The following LCOR variants were observed in gnomAD, a reference collection of about 807,000 sequenced individuals.
LCOR encodes ligand dependent nuclear receptor corepressor.
Under a neutral mutation model 64.4 loss-of-function variants are expected in LCOR, and 14 were observed. The ratio of observed to expected loss-of-function variants is 0.22; its 90% CI spans 0.14 to 0.34. LCOR has a LOEUF of 0.34. Among genes scored for constraint, LCOR ranks in the 10% least tolerant of loss-of-function variants. The probability of loss-of-function intolerance (pLI) is 1.00; values close to 1 mark genes in which losing one functional copy is unlikely to be tolerated. For missense variants in LCOR, 1,686 were observed against 1,765.3 expected (o/e 0.96, Z 0.80); for synonymous variants, 643 against 642.5 (o/e 1.00, Z -0.01).
intron 4 of LCOR, among the ~76,000 whole-genome samples, chr10:96,912,291 G>A (rs1846851861): frequency 6.6e-6 from 1 of 152,118 alleles, no homozygotes; most frequent in East Asian, 1.9e-4. Context: ...TAAAGCAATT[G>A]CAAAAATTGT....
chr10:96,865,015 AAATTT>A (rs1845947746), intron 2 of LCOR, among the ~76,000 whole-genome samples: 3 of 152,170 alleles, frequency 2.0e-5, no homozygotes, highest in Non-Finnish European at 4.4e-5. Context: ...TGAGAAAAGA[AAATTT>A]AATTTGAGAG....
chr10:96,876,796 C>T (rs573267911), intron 2 of LCOR, among the ~76,000 whole-genome samples: 12 of 152,264 alleles, frequency 7.9e-5, no homozygotes, highest in African/African-American at 2.4e-4. Flanking sequence ...TTCAGTGATT[C>T]TCCTGCCTCA....
intron 2 of LCOR, among the ~76,000 whole-genome samples, chr10:96,877,458 T>A (rs2134414572): frequency 6.6e-6 from 1 of 152,152 alleles, no homozygotes; most frequent in East Asian, 1.9e-4. Flanking sequence ...TGGGAAGTCG[T>A]GGCTGCAGTG....
Position 96,989,695 on chromosome 10 carries a change from A to ATATATATATATATATATTT in LCOR, c.*4562_*4563insATATATATATATATATTTT, listed in dbSNP as rs1371771053. ...TAAGGATATATATATATATATATAT[A>ATATATATATATATATATTT]TTTTTTTTTTTTTTTTTTTTTTTTA... On this transcript the variant is annotated 3_prime_UTR_variant, in exon 8 of 8. Coordinates refer to ENST00000421806, the MANE Select transcript of LCOR (RefSeq NM_001346516.2). 2 of 86,160 alleles carry ATATATATATATATATATTT rather than the reference A, an allele frequency of 2.3e-5. No homozygotes were observed. Among genetic ancestry groups the ATATATATATATATATATTT allele is most frequent in the African/African-American group, 1.2e-4 (2 of 16,170 alleles). The allele number at this position is 86,160 out of a possible 1,614,324, so 5.3% of individuals were successfully genotyped here.
intron 2 of LCOR, among the ~76,000 whole-genome samples, chr10:96,899,550 T>C (rs1371395614): frequency 6.6e-6 from 1 of 152,142 alleles, no homozygotes; most frequent in African/African-American, 2.4e-5. Flanking sequence ...ATACAGATCT[T>C]ATTCTGTAAC....
In LCOR at chr10:96,980,837, C is replaced by T. The variant is rs917844496; in HGVS notation, c.377C>T (p.Ser126Leu). 2.6e-5 allele frequency: 18 copies of T among 702,766 alleles called. No individual in the cohort carries two copies. The highest frequency in any genetic ancestry group is 2.0e-4 in the Admixed American group (10 of 49,996). The allele number at this position is 702,766 out of a possible 1,614,324, so 43.5% of individuals were successfully genotyped here. ...AAAGCAGTAGATTCTAACAATCAGT[C>T]GAAGTCCCCACTGGAGAAATTTATG... is the stretch of plus-strand genomic sequence containing the variant. ...EAKAVDSNNQ[S>L]KSPLEKFMVK... Residue 126 changes from serine to leucine, a missense_variant, in exon 8 of 8, where the codon TCG (serine) becomes TTG (leucine). Coordinates refer to ENST00000421806, the MANE Select transcript of LCOR (RefSeq NM_001346516.2).
chr10:96,957,710 G>C lies in LCOR; in HGVS notation c.332+5514G>C, dbSNP rs1468446980. 5.1e-6 allele frequency: 5 copies of C among 985,234 alleles called. No individual in the cohort carries two copies. In the African/African-American group the frequency reaches 8.7e-5, roughly 17 times the overall value. The allele number at this position is 985,234 out of a possible 1,614,324, so 61.0% of individuals were successfully genotyped here. On this transcript the variant is annotated intron_variant, in intron 7 of 7. Transcript: ENST00000421806. ...ACTTTGGAGCAATTAATTAAATTAGGTTAAGTTTTCCCTCAGCAACCTGTG... is the reference window on the plus strand; with the variant it reads ...ACTTTGGAGCAATTAATTAAATTAGCTTAAGTTTTCCCTCAGCAACCTGTG...
rs763565203 is a variant in LCOR, at chr10:96,981,754, G to A, written c.1294G>A (p.Val432Ile). The change falls in exon 8 of 8, where the codon GTA (valine) becomes ATA (isoleucine). Residue 432 changes from valine to isoleucine, a missense_variant. Physicochemically the swap from Val to Ile is conservative, Grantham distance 29. Transcript: ENST00000421806. ...GWLGPGPMPA[V>I]HKAANGHSRT... ...GTTAGGCCCCGGCCCTATGCCAGCT[G>A]TACACAAAGCGGCAAATGGACACTC... The A allele has an allele frequency of 6.2e-7, 1 of 1,614,162 alleles. No individual in the cohort carries two copies. Among genetic ancestry groups the A allele is most frequent in the South Asian group, 1.1e-5 (1 of 91,084 alleles).
intron 2 of LCOR, among the ~76,000 whole-genome samples, chr10:96,906,779 C>CT (rs1455408932): frequency 6.6e-6 from 1 of 152,124 alleles, no homozygotes; most frequent in African/African-American, 2.4e-5. Flanking sequence ...TTACAAAAGT[C>CT]TTGCACCTTG....
intron 2 of LCOR, among the ~76,000 whole-genome samples, chr10:96,878,842 T>TC (rs1201037990): frequency 1.8e-4 from 27 of 152,252 alleles, no homozygotes; most frequent in Admixed American, 1.6e-3. Context: ...TTGCAAGCTG[T>TC]AGTGCAGCGA....
rs142634178 is a variant in LCOR at position 96,857,363 on chromosome 10, A to T, written c.-330+23884A>T. 4.0e-3 allele frequency among the ~76,000 whole-genome samples: 606 copies of T among 152,222 alleles called. 4 individuals carry two copies. Among genetic ancestry groups the T allele is most frequent in the African/African-American group, 0.014 (591 of 41,524 alleles). ...TTAAATTCCAGTATGCCATTATCCC[A>T]TGTGTTTTGATAGATGTTAATTTTA... On this transcript the variant is annotated intron_variant, in intron 2 of 7. Coordinates refer to ENST00000421806, the MANE Select transcript of LCOR (RefSeq NM_001346516.2).
chr10:96,920,487 C>CAT (rs1233661789), intron 4 of LCOR, among the ~76,000 whole-genome samples: 1 of 75,962 alleles, frequency 1.3e-5, no homozygotes, highest in East Asian at 4.2e-4. Context: ...TATGTATATT[C>CAT]ATATATATGT....
At chr10:96,889,881 T>G (rs1401279619) in intron 2 of LCOR, among the ~76,000 whole-genome samples, 1 of 152,220 alleles carries the variant, frequency 6.6e-6, no homozygotes, top group Non-Finnish European at 1.5e-5. Flanking sequence ...CATGTATGAC[T>G]TTTTGTTTGA....
Position 96,986,536 on chromosome 10 carries a change from T to G in LCOR, c.*1402T>G, listed in dbSNP as rs915216270. 4.6e-5 allele frequency: 7 copies of G among 152,262 alleles called. No homozygotes were observed. Among genetic ancestry groups the G allele is most frequent in the Non-Finnish European group, 1.0e-4 (7 of 68,044 alleles). The allele number at this position is 152,262 out of a possible 1,614,324, so 9.4% of individuals were successfully genotyped here. A position where few individuals can be genotyped will look rare whatever the true frequency, so the allele number is the denominator to read the frequency against. On this transcript the variant is annotated 3_prime_UTR_variant, in exon 8 of 8. Coordinates refer to ENST00000421806, the MANE Select transcript of LCOR (RefSeq NM_001346516.2). Reference sequence around the variant, plus strand: ...TTGTAGTATCACTCCTGCCATGTCATGTCAGGCTCTATTCCGTGTCTCAGA... The same window carrying G: ...TTGTAGTATCACTCCTGCCATGTCAGGTCAGGCTCTATTCCGTGTCTCAGA...
intron 2 of LCOR, among the ~76,000 whole-genome samples, chr10:96,887,609 A>G (rs1050262267): frequency 1.3e-5 from 2 of 152,042 alleles, no homozygotes; most frequent in Non-Finnish European, 2.9e-5. Context: ...GGTCTCCTTA[A>G]TATTCTATGC....
At chr10:96,925,413 GA>G (rs1380431709) in intron 4 of LCOR, among the ~76,000 whole-genome samples, 1 of 152,056 alleles carries the variant, frequency 6.6e-6, no homozygotes, top group East Asian at 1.9e-4. Flanking sequence ...TTTTTAATAG[GA>G]TGGAACATTT....
intron 2 of LCOR, among the ~76,000 whole-genome samples, chr10:96,872,918 T>G (rs1846096283): frequency 6.6e-6 from 1 of 151,388 alleles, no homozygotes; most frequent in Admixed American, 6.6e-5. Flanking sequence ...AAACAGTAAC[T>G]ATGTTTTTTT....
intron 7 of LCOR, chr10:96,955,481 G>A (rs199789313): frequency 1.9e-5 from 30 of 1,614,118 alleles, no homozygotes; most frequent in South Asian, 1.3e-4. Flanking sequence ...CGGAGAGCGC[G>A]CTTAGTAAAA....
intron 7 of LCOR, 57 bp downstream of exon 7, chr10:96,952,253 T>G: frequency 8.5e-7 from 1 of 1,169,908 alleles, no homozygotes; most frequent in Non-Finnish European, 1.3e-6. Context: ...CATCAAAGGT[T>G]GATGCCAGTC....
Sources: gnomAD v4.1 joint callset for allele counts (sites outside exome capture counted in the v4.1 genomes callset) on GRCh38, gnomAD v4.1.1 for gene constraint, MANE v1.5 for transcripts, NCBI Gene and HGNC (gene_info 2026-07-23, HGNC 2026-07-21) for gene names.